CDHR1: variants seen among roughly 807,000 people sequenced by gnomAD.
The protein encoded by CDHR1 is cadherin-related family member 1.
A neutral mutation model predicts 72.1 loss-of-function variants in CDHR1; 61 were observed. That is an observed-to-expected ratio of 0.85 (90% confidence interval 0.69 to 1.05). CDHR1 has a LOEUF of 1.05. CDHR1 is among the 50% of genes least tolerant of loss of function. The pLI, the probability that CDHR1 is intolerant of heterozygous loss-of-function variation, is 0.00. For missense variants in CDHR1, 1,186 were observed against 1,115.7 expected (o/e 1.06, Z -0.90); for synonymous variants, 470 against 448.1 (o/e 1.05, Z -0.62).
downstream of CDHR1, chr10:84,219,047 C>A: frequency 1.3e-6 from 1 of 784,310 alleles, no homozygotes; most frequent in Non-Finnish European, 2.1e-6. Context: ...CAGGTGAGAA[C>A]ACTAATGTAC....
intron 6 of CDHR1, 46 bp from the exon 7 acceptor site, chr10:84,201,761 T>A (rs1198968198): frequency 6.7e-7 from 1 of 1,501,898 alleles, no homozygotes; most frequent in East Asian, 2.3e-5. Context: ...TTCCTGGGGC[T>A]GGCCTGCATT....
chr10:84,209,101 T>A (rs977184292), intron 12 of CDHR1, among the ~76,000 whole-genome samples: 5 of 152,166 alleles, frequency 3.3e-5, no homozygotes, highest in African/African-American at 1.2e-4. Flanking sequence ...ATGCAGGTGG[T>A]GGTGTGGGAT....
At chr10:84,198,346 G>C (rs2132792553) in intron 4 of CDHR1, among the ~76,000 whole-genome samples, 1 of 152,308 alleles carries the variant, frequency 6.6e-6, no homozygotes, top group East Asian at 1.9e-4. Flanking sequence ...CTCCGCCACT[G>C]GCGGGATGAA....
chr10:84,194,719 C>G lies in CDHR1; in HGVS notation c.-42C>G, dbSNP rs1190566119. ...AGGGCATGCTCCGTGCCCCTGCGCC[C>G]GGTCTCGGCGGCGGCAGGCGACACT... On this transcript the variant is annotated 5_prime_UTR_variant, in exon 1 of 17. Transcript: ENST00000623527. 1.8e-5 allele frequency: 26 copies of G among 1,452,414 alleles called. No homozygotes were observed. Among genetic ancestry groups the G allele is most frequent in the Non-Finnish European group, 2.2e-5 (24 of 1,112,190 alleles). 90.0% of individuals were successfully genotyped at this position (1,452,414 alleles called of 1,614,324 possible). A position where few individuals can be genotyped will look rare whatever the true frequency, so the allele number is the denominator to read the frequency against.
intron 2 of CDHR1, among the ~76,000 whole-genome samples, chr10:84,195,811 G>C (rs991623728): frequency 6.6e-6 from 1 of 152,222 alleles, no homozygotes; most frequent in East Asian, 1.9e-4. Flanking sequence ...CCACAGACAG[G>C]GTCGCCCCGC....
chr10:84,218,160 T>C lies in CDHR1; in HGVS notation c.*3539T>C. ...GAGGGAGAATGGAGAAGATGCCACA[T>C]GAGGAATGAGGCAGGAGACTGGCAT... is the stretch of plus-strand genomic sequence containing the variant. On this transcript the variant is annotated 3_prime_UTR_variant, in exon 17 of 17. Transcript: ENST00000623527. 1 of 985,356 alleles carries C rather than the reference T, an allele frequency of 1.0e-6. No individual in the cohort carries two copies. The highest frequency in any genetic ancestry group is 5.2e-4 in the Middle Eastern group (1 of 1,916). The allele number at this position is 985,356 out of a possible 1,614,324, so 61.0% of individuals were successfully genotyped here. A position where few individuals can be genotyped will look rare whatever the true frequency, so the allele number is the denominator to read the frequency against.
rs1842389982 is a variant in CDHR1, at chr10:84,214,295, C to T, written c.2254C>T (p.Arg752Cys). Residue 752 changes from arginine (R) to cysteine (C), a missense_variant, in exon 17 of 17, where the codon CGC becomes TGC. Transcript: ENST00000623527. ...KRPSPAPRTI[R>C]IEWLKSKSTK... ...GCCCAGCCCTGCGCCCCGCACCATC[C>T]GCATTGAGTGGCTCAAGTCCAAGAG... The T allele has an allele frequency of 6.2e-7, 1 of 1,614,054 alleles. No individual in the cohort carries two copies. The highest frequency in any genetic ancestry group is 8.5e-7 in the Non-Finnish European group (1 of 1,180,044).
chr10:84,195,895 G>T (rs906505356), intron 2 of CDHR1, among the ~76,000 whole-genome samples: 3 of 152,214 alleles, frequency 2.0e-5, no homozygotes, highest in Non-Finnish European at 2.9e-5. Flanking sequence ...TGAGCCCCAG[G>T]TCTCTAGGCT....
intron 4 of CDHR1, 102 bp from the exon 5 acceptor site, chr10:84,198,930 G>T: frequency 1.2e-6 from 1 of 832,568 alleles, no homozygotes; most frequent in Non-Finnish European, 2.0e-6. Context: ...GAGAGAGGAG[G>T]GATGGGCAGA....
chr10:84,218,968 T>TA (rs200687455), downstream of CDHR1: 41,516 of 542,772 alleles, frequency 0.076, 1,182 homozygotes, highest in East Asian at 0.1. Context: ...CTTTGTATGT[T>TA]AAAAAAAAAG....
intron 12 of CDHR1, among the ~76,000 whole-genome samples, 194 bp from the exon 13 acceptor site, chr10:84,210,807 A>C (rs1842315046): frequency 6.6e-6 from 1 of 152,204 alleles, no homozygotes; most frequent in Non-Finnish European, 1.5e-5. Flanking sequence ...CTAGCATTAC[A>C]AGCCAATTGA....
intron 4 of CDHR1, among the ~76,000 whole-genome samples, chr10:84,198,438 C>A (rs1471878075): frequency 6.6e-6 from 1 of 152,260 alleles, no homozygotes; most frequent in Non-Finnish European, 1.5e-5. Flanking sequence ...TCCACCCCAC[C>A]CAGGCCATAA....
chr10:84,206,182 G>A (rs1258936155), intron 10 of CDHR1, among the ~76,000 whole-genome samples: 1 of 152,126 alleles, frequency 6.6e-6, no homozygotes, highest in Non-Finnish European at 1.5e-5. Flanking sequence ...CGGGCATTGG[G>A]TGGGTGGGGG....
rs371315398 is a variant in CDHR1 at position 84,212,380 on chromosome 10, G to C, written c.1755G>C (p.Met585Ile). 19 of 1,614,076 alleles carry C rather than the reference G, an allele frequency of 1.2e-5. No individual in the cohort carries two copies. Among genetic ancestry groups the C allele is most frequent in the East Asian group, 2.2e-5 (1 of 44,894 alleles). Reference protein sequence around the residue: ...QFGKSVQKKTMVLGTPVKIEA... With the variant: ...QFGKSVQKKTIVLGTPVKIEA... ...GAAAGAGCGTTCAGAAGAAGACGAT[G>C]GTGCTAGGGACCCCAGTGAAAATTG... Residue 585 changes from methionine to isoleucine, a missense_variant, in exon 15 of 17, where the codon ATG becomes ATC. Transcript: ENST00000623527.
chr10:84,195,714 C>G (rs761672095), intron 2 of CDHR1, 125 bp downstream of exon 2: 3 of 791,186 alleles, frequency 3.8e-6, no homozygotes, highest in South Asian at 1.5e-5. Context: ...GTTTGCTCTC[C>G]GAATTCCCCT....
Position 84,218,369 on chromosome 10 carries a change from C to G in CDHR1, c.*3748C>G, listed in dbSNP as rs1842459876. 3 of 985,258 alleles carry G rather than the reference C, an allele frequency of 3.0e-6. No individual in the cohort carries two copies. In the South Asian group the frequency reaches 1.4e-4, roughly 46 times the overall value. 61.0% of individuals were successfully genotyped at this position (985,258 alleles called of 1,614,324 possible). A position where few individuals can be genotyped will look rare whatever the true frequency, so the allele number is the denominator to read the frequency against. On this transcript the variant is annotated 3_prime_UTR_variant, in exon 17 of 17. Transcript: ENST00000623527. ...TGTTATAAAATCGTGCACATGTACC[C>G]CTTTTGAGGCCTGAATGAGGTTCGG...
chr10:84,215,294 T>C lies in CDHR1; in HGVS notation c.*673T>C, dbSNP rs1283167112. 7 of 987,838 alleles carry C rather than the reference T, an allele frequency of 7.1e-6. No homozygotes were observed. The highest frequency in any genetic ancestry group is 1.1e-4 in the East Asian group (1 of 8,850). The allele number at this position is 987,838 out of a possible 1,614,324, so 61.2% of individuals were successfully genotyped here. A position where few individuals can be genotyped will look rare whatever the true frequency, so the allele number is the denominator to read the frequency against. On this transcript the variant is annotated 3_prime_UTR_variant, in exon 17 of 17. Coordinates refer to ENST00000623527, the MANE Select transcript of CDHR1 (RefSeq NM_033100.4). ...GGACAGAGGACACAGAGGTGGAAGA[T>C]TGATCTTGCCAAGAGTGAGGGCAGA...
At position 84,214,755 on chromosome 10, in the gene CDHR1, C is replaced by A; in HGVS notation, c.*134C>A. 6.4e-7 allele frequency: 1 copy of A among 1,565,604 alleles called. No homozygotes were observed. The highest frequency in any genetic ancestry group is 8.6e-7 in the Non-Finnish European group (1 of 1,163,170). Reference sequence around the variant, plus strand: ...GCACAATGGTATAATCCCCACTGTCCTCATCTCTACCGCCACCTTCTGGCG... The same window carrying A: ...GCACAATGGTATAATCCCCACTGTCATCATCTCTACCGCCACCTTCTGGCG... On this transcript the variant is annotated 3_prime_UTR_variant, in exon 17 of 17. Coordinates refer to ENST00000623527, the MANE Select transcript of CDHR1 (RefSeq NM_033100.4).
chr10:84,205,899 A>C lies in CDHR1; in HGVS notation c.935A>C (p.Gln312Pro). Residue 312 changes from glutamine (Q) to proline (P), a missense_variant, in exon 10 of 17, where the codon CAG (glutamine) becomes CCG (proline). Physicochemically the swap from Gln to Pro is moderately conservative, Grantham distance 76. Coordinates refer to ENST00000623527, the MANE Select transcript of CDHR1 (RefSeq NM_033100.4). Reference sequence around the variant, plus strand: ...ATCACTCAGAGCCCGGCCCAGCTCCAGAGAGAGGTGTATGAGCTGCATGTA... The same window carrying C: ...ATCACTCAGAGCCCGGCCCAGCTCCCGAGAGAGGTGTATGAGCTGCATGTA... ...ISITQSPAQL[Q>P]REVYELHVQV... is the part of the protein sequence containing the mutation. The C allele has an allele frequency of 2.5e-6, 4 of 1,614,052 alleles. No individual in the cohort carries two copies. Among genetic ancestry groups the C allele is most frequent in the Non-Finnish European group, 3.4e-6 (4 of 1,179,922 alleles).
Sources: gnomAD v4.1 joint callset for allele counts (sites outside exome capture counted in the v4.1 genomes callset) on GRCh38, gnomAD v4.1.1 for gene constraint, MANE v1.5 for transcripts, NCBI Gene and HGNC (gene_info 2026-07-23, HGNC 2026-07-21) for gene names.